The following PCDH9 variants were observed in gnomAD, a reference collection of about 807,000 sequenced individuals.
PCDH9 encodes the protein protocadherin-9.
PCDH9 carries 24 observed loss-of-function variants against 70.6 expected under a neutral mutation model. That is an observed-to-expected ratio of 0.34 (90% confidence interval 0.25 to 0.48). The LOEUF is 0.48. Among genes scored for constraint, PCDH9 ranks in the 20% least tolerant of loss-of-function variants. The pLI is 0.99. For synonymous variants in PCDH9, 562 were observed against 558.5 expected (o/e 1.01, Z -0.09); for missense variants, 1,281 against 1,503.6 (o/e 0.85, Z 2.45).
intron 4 of PCDH9, among the ~76,000 whole-genome samples, chr13:66,355,774 C>T (rs958886943): frequency 1.3e-5 from 2 of 152,074 alleles, no homozygotes; most frequent in Non-Finnish European, 2.9e-5. Context: ...CTTTGTACTT[C>T]CCCAAGGAGA....
intron 3 of PCDH9, among the ~76,000 whole-genome samples, chr13:66,765,088 C>T (rs3042110): frequency 6.6e-5 from 3 of 45,352 alleles, no homozygotes; most frequent in South Asian, 6.6e-4. Flanking sequence ...CTGTCTCTCT[C>T]TCTCTCTCTG....
chr13:66,561,232 T>TCACCGGGCCTTAGCTGCCTTCC (rs1316962827), intron 4 of PCDH9, among the ~76,000 whole-genome samples: 2 of 152,144 alleles, frequency 1.3e-5, no homozygotes, highest in African/African-American at 4.8e-5. Flanking sequence ...GCTCAATTTC[T>TCACCGGGCCTTAGCTGCCTTCC]CACCGGGCCT....
chr13:66,894,121 T>A (rs997685761), intron 3 of PCDH9, among the ~76,000 whole-genome samples: 3 of 152,186 alleles, frequency 2.0e-5, no homozygotes, highest in African/African-American at 7.2e-5. Flanking sequence ...TGCATAAGAT[T>A]CTGTAGACAT....
At chr13:67,208,244 G>T (rs1256640795) in intron 2 of PCDH9, 1 of 152,032 alleles carries the variant, frequency 6.6e-6, no homozygotes, top group South Asian at 2.1e-4. Context: ...AAATCCTTGC[G>T]TGTTCATTTG....
At chr13:66,484,697 A>G (rs1958909412) in intron 4 of PCDH9, among the ~76,000 whole-genome samples, 1 of 152,310 alleles carries the variant, frequency 6.6e-6, no homozygotes, top group Non-Finnish European at 1.5e-5. Context: ...GTATAACGAG[A>G]GAGCACTAGC....
intron 2 of PCDH9, among the ~76,000 whole-genome samples, chr13:67,034,029 G>A (rs568572600): frequency 6.6e-6 from 1 of 152,204 alleles, no homozygotes; most frequent in East Asian, 1.9e-4. Context: ...CTGTCGCTCA[G>A]GCTGGAGTGC....
chr13:66,561,558 T>C (rs2138708394), intron 4 of PCDH9, among the ~76,000 whole-genome samples: 1 of 152,314 alleles, frequency 6.6e-6, no homozygotes, highest in East Asian at 1.9e-4. Flanking sequence ...CGGCACTCTG[T>C]ATCTAGCTCA....
Position 67,228,489 on chromosome 13 carries a change from C to T in PCDH9, c.-49G>A. 1 of 1,467,420 alleles carries T rather than the reference C, an allele frequency of 6.8e-7. No homozygotes were observed. The highest frequency in any genetic ancestry group is 1.4e-5 in the South Asian group (1 of 72,004). 90.9% of individuals were successfully genotyped at this position (1,467,420 alleles called of 1,614,324 possible). On this transcript the variant is annotated 5_prime_UTR_variant, in exon 2 of 5. An upstream open reading frame in the 5' UTR gains an earlier in-frame stop. Coordinates refer to ENST00000377865, the MANE Select transcript of PCDH9 (RefSeq NM_203487.3). ...CTGGATTTTAGGGTTTAAAGGTTTCCACTGAGGAATGATGCACAAATTGCA... is the reference window on the plus strand; with the variant it reads ...CTGGATTTTAGGGTTTAAAGGTTTCTACTGAGGAATGATGCACAAATTGCA...
chr13:66,756,402 C>A (rs1331066097), intron 3 of PCDH9, among the ~76,000 whole-genome samples: 5 of 152,122 alleles, frequency 3.3e-5, no homozygotes, highest in Admixed American at 2.6e-4. Flanking sequence ...AGTTTAAAGA[C>A]TTTCAATAGA....
In PCDH9 at chr13:67,226,885, C is replaced by G; in HGVS notation, c.1556G>C (p.Arg519Pro). ...GPNASFFDLD[R>P]KTGVLTASRV... The stretch of plus-strand genomic sequence containing the variant: ...GGAGGCTGTCAAAACTCCTGTTTTT[C>G]GGTCCAGATCAAAGAAGGAGGCATT... Residue 519 changes from arginine to proline, a missense_variant, in exon 2 of 5, where the codon CGA becomes CCA. By Grantham distance (103) the Arg-to-Pro change is moderately radical. This residue lies in a region of PCDH9 where 798 missense variants were observed against 1,003.1 expected (regional missense o/e 0.80). Transcript: ENST00000377865. This position sits in a 1 kb window ranked among gnomAD's most constrained non-coding sequence, Gnocchi z 5.0. 6.2e-7 allele frequency: 1 copy of G among 1,614,114 alleles called. No homozygotes were observed. The highest frequency in any genetic ancestry group is 1.1e-5 in the South Asian group (1 of 91,084).
intron 2 of PCDH9, among the ~76,000 whole-genome samples, chr13:67,027,883 C>G (rs1369048492): frequency 6.6e-6 from 1 of 151,750 alleles, no homozygotes; most frequent in Non-Finnish European, 1.5e-5. Context: ...CATCTCATAC[C>G]AGTTAGAATG....
At chr13:66,672,727 C>T (rs1241120398) in intron 3 of PCDH9, among the ~76,000 whole-genome samples, 3 of 152,226 alleles carry the variant, frequency 2.0e-5, no homozygotes, top group Admixed American at 2.0e-4. Context: ...CTTGCATCAG[C>T]ATGACCTGGA....
At chr13:67,011,729 AT>A (rs1388337860) in intron 2 of PCDH9, among the ~76,000 whole-genome samples, 1 of 151,914 alleles carries the variant, frequency 6.6e-6, no homozygotes, top group African/African-American at 2.4e-5. Flanking sequence ...GTCATGCATG[AT>A]GGTTGGAGAG....
Position 66,584,471 on chromosome 13 carries a change from TATTG to T in PCDH9, c.3340+46735_3340+46738del, listed in dbSNP as rs372022611. ...TACAAGTTTCCTAAAGTTGCTAAAA[TATTG>T]AACAAAGTCGATAAACATTAGATAT... On this transcript the variant is annotated intron_variant, in intron 4 of 4. Transcript: ENST00000377865. 8.7e-4 allele frequency among the ~76,000 whole-genome samples: 132 copies of T among 152,238 alleles called. 5 individuals are homozygous for T. In the South Asian group the frequency reaches 0.026, roughly 30 times the overall value.
At chr13:66,392,275 CAT>C (rs1957031147) in intron 4 of PCDH9, among the ~76,000 whole-genome samples, 1 of 151,732 alleles carries the variant, frequency 6.6e-6, no homozygotes, top group Non-Finnish European at 1.5e-5. Flanking sequence ...CCAAGTGAGA[CAT>C]ATATTTTAAG....
intron 4 of PCDH9, among the ~76,000 whole-genome samples, chr13:66,610,127 TCTAC>T (rs2077274601): frequency 6.6e-6 from 1 of 152,092 alleles, no homozygotes; most frequent in African/African-American, 2.4e-5. Context: ...GCTCTTGTTA[TCTAC>T]CAGATCTTGT....
chr13:67,063,449 C>G (rs1301416638), intron 2 of PCDH9, among the ~76,000 whole-genome samples: 2 of 151,760 alleles, frequency 1.3e-5, no homozygotes, highest in East Asian at 3.9e-4. Flanking sequence ...TACAATAACT[C>G]TTGCAGGTAG....
intron 4 of PCDH9, among the ~76,000 whole-genome samples, chr13:66,553,539 C>A (rs1961590709): frequency 6.6e-6 from 1 of 152,104 alleles, no homozygotes; most frequent in South Asian, 2.1e-4. Flanking sequence ...AAATACTCCA[C>A]TAGAAATTGG....
chr13:66,537,464 ATC>A (rs1960756793), intron 4 of PCDH9, among the ~76,000 whole-genome samples: 2 of 152,262 alleles, frequency 1.3e-5, no homozygotes, highest in South Asian at 4.2e-4. Flanking sequence ...AGAAGATAAC[ATC>A]CAAACAGAAA....
Sources: gnomAD v4.1 joint callset for allele counts (sites outside exome capture counted in the v4.1 genomes callset) on GRCh38, gnomAD v4.1.1 for gene constraint, gnomAD v4.1.1 regional missense constraint, Gnocchi (gnomAD v3.1) non-coding constraint, MANE v1.5 for transcripts, NCBI Gene and HGNC (gene_info 2026-07-23, HGNC 2026-07-21) for gene names.